Variants in FOXP4 observed in about 807,000 individuals in gnomAD.
FOXP4 encodes the protein forkhead box P4, also known as forkhead box protein P4.
FOXP4 carries 25 observed loss-of-function variants against 82.6 expected under a neutral mutation model. The ratio of observed to expected loss-of-function variants is 0.30; its 90% CI spans 0.22 to 0.42. The LOEUF (loss-of-function observed/expected upper bound fraction) is 0.42, where lower values mean the gene tolerates loss of function less well. FOXP4 is among the 10% of genes least tolerant of loss of function. The pLI is 1.00. For missense variants in FOXP4, 785 were observed against 900.9 expected (o/e 0.87, Z 1.65); for synonymous variants, 415 against 388.2 (o/e 1.07, Z -0.81).
At chr6:41,574,534 A>G (rs1431295114) in intron 2 of FOXP4, among the ~76,000 whole-genome samples, 1 of 152,192 alleles carries the variant, frequency 6.6e-6, no homozygotes, top group African/African-American at 2.4e-5. Flanking sequence ...GAGTTTTGTG[A>G]GTGGGTATCA....
At chr6:41,573,111 C>A (rs1295880013) in intron 2 of FOXP4, among the ~76,000 whole-genome samples, 1 of 152,144 alleles carries the variant, frequency 6.6e-6, no homozygotes, top group African/African-American at 2.4e-5. Flanking sequence ...CTGATTATCA[C>A]GTCCCTGCCC....
chr6:41,577,924 C>A, intron 2 of FOXP4, 62 bp from the exon 3 acceptor site: 2 of 1,270,588 alleles, frequency 1.6e-6, no homozygotes, highest in Admixed American at 1.8e-5. Flanking sequence ...CCCAAACACT[C>A]CCTAATCCCT....
chr6:41,597,597 TGGG>T (rs1452205138), intron 15 of FOXP4, among the ~76,000 whole-genome samples, 181 bp from the exon 16 acceptor site: 1 of 150,176 alleles, frequency 6.7e-6, no homozygotes, highest in East Asian at 2.0e-4. Flanking sequence ...GTTCCAGCCA[TGGG>T]GGAGGGGTGC....
rs373371909 is a variant in FOXP4, at chr6:41,598,335, G to A, written c.1895+385G>A. ...GGGTTCAAGTGATTCTCCTGCCTCA[G>A]CCTCCCAAGTAGCTGGAATTATAGG... is the stretch of plus-strand genomic sequence containing the variant. On this transcript the variant is annotated intron_variant, in intron 16 of 16. Coordinates refer to ENST00000307972, the MANE Select transcript of FOXP4 (RefSeq NM_001012426.2). 3.3e-5 allele frequency among the ~76,000 whole-genome samples: 5 copies of A among 150,864 alleles called. No homozygotes were observed. In the East Asian group the frequency reaches 9.8e-4, roughly 30 times the overall value.
chr6:41,579,196 C>CT (rs1249613447), intron 3 of FOXP4, among the ~76,000 whole-genome samples: 1 of 152,084 alleles, frequency 6.6e-6, no homozygotes, highest in Non-Finnish European at 1.5e-5. Context: ...ATTCTTGACC[C>CT]TAAGGAGACA....
chr6:41,574,634 G>T (rs992543109), intron 2 of FOXP4, among the ~76,000 whole-genome samples: 1 of 152,172 alleles, frequency 6.6e-6, no homozygotes, highest in Non-Finnish European at 1.5e-5. Context: ...AGTCTGGTTG[G>T]CATATTCAAA....
rs936434977 is a variant in FOXP4 at position 41,558,937 on chromosome 6, A to T, written c.-16-6808A>T. Among the ~76,000 whole-genome samples the T allele has an allele frequency of 5.3e-5, 8 of 152,274 alleles. No individual in the cohort carries two copies. The highest frequency in any genetic ancestry group is 1.9e-4 in the African/African-American group (8 of 41,472). ...AAGACATCCTTGTGCTCTGGTATCC[A>T]CATGTGTATCTTTTTATATAATCTA... On this transcript the variant is annotated intron_variant, in intron 1 of 16. Coordinates refer to ENST00000307972, the MANE Select transcript of FOXP4 (RefSeq NM_001012426.2). The surrounding 1 kb of genome is among the most constrained non-coding windows in gnomAD (Gnocchi z 4.0).
chr6:41,547,973 G>A (rs1204505147), intron 1 of FOXP4, among the ~76,000 whole-genome samples: 1 of 152,230 alleles, frequency 6.6e-6, no homozygotes, highest in Non-Finnish European at 1.5e-5. Flanking sequence ...GTAATTTCGC[G>A]GAATGCGGAT....
At chr6:41,555,734 T>A (rs931686332) in intron 1 of FOXP4, among the ~76,000 whole-genome samples, 13 of 152,232 alleles carry the variant, frequency 8.5e-5, no homozygotes, top group Non-Finnish European at 1.6e-4. Context: ...CAGCTCCGAA[T>A]CAATGGCTTT....
intron 1 of FOXP4, among the ~76,000 whole-genome samples, chr6:41,549,421 G>A (rs1449906224): frequency 6.6e-6 from 1 of 151,980 alleles, no homozygotes; most frequent in Non-Finnish European, 1.5e-5. Context: ...GACGCCCCCA[G>A]CCCCCTTCCT....
At chr6:41,560,460 C>T (rs1471631504) in intron 1 of FOXP4, among the ~76,000 whole-genome samples, 2 of 152,214 alleles carry the variant, frequency 1.3e-5, no homozygotes, top group African/African-American at 4.8e-5. Flanking sequence ...GCTCTGGGTA[C>T]GGGCTACCTG....
intron 2 of FOXP4, among the ~76,000 whole-genome samples, chr6:41,574,580 T>C (rs1024421784): frequency 3.9e-5 from 6 of 152,004 alleles, no homozygotes; most frequent in African/African-American, 1.5e-4. Context: ...GAGATGGGGG[T>C]TCACAGCTAC....
intron 1 of FOXP4, among the ~76,000 whole-genome samples, chr6:41,560,516 T>G (rs963096332): frequency 1.3e-5 from 2 of 152,210 alleles, no homozygotes; most frequent in Non-Finnish European, 2.9e-5. Context: ...GGGCCTCATC[T>G]CCACTCCAGC....
intron 3 of FOXP4, among the ~76,000 whole-genome samples, chr6:41,580,740 C>T (rs1765751307): frequency 6.6e-6 from 1 of 152,120 alleles, no homozygotes; most frequent in Non-Finnish European, 1.5e-5. Context: ...GACTGGGCTC[C>T]CCACCCGAGC....
At chr6:41,551,225 G>A (rs960686529) in intron 1 of FOXP4, among the ~76,000 whole-genome samples, 2 of 152,204 alleles carry the variant, frequency 1.3e-5, no homozygotes, top group African/African-American at 4.8e-5. Context: ...AGAGCTCCTG[G>A]CACAAAAGGT....
intron 1 of FOXP4, among the ~76,000 whole-genome samples, chr6:41,565,328 C>G (rs548830380): frequency 2.0e-5 from 3 of 152,336 alleles, no homozygotes; most frequent in Admixed American, 6.5e-5. Context: ...CCACTGCACT[C>G]TAGCCTGGGC....
chr6:41,584,836 CGCCCCCGCAGCTGCAGGCCTT>C lies in FOXP4; in HGVS notation c.371_391del (p.Pro124_Leu130del), dbSNP rs772707860. The C allele has an allele frequency of 1.2e-6, 2 of 1,609,828 alleles. No individual in the cohort carries two copies. The highest frequency in any genetic ancestry group is 8.5e-7 in the Non-Finnish European group (1 of 1,178,320). On this transcript the variant is annotated inframe_deletion, in exon 4 of 17. Coordinates refer to ENST00000307972, the MANE Select transcript of FOXP4 (RefSeq NM_001012426.2). The stretch of plus-strand genomic sequence containing the variant: ...CCGCAACAGATGCAGCAGATCCTGT[CGCCCCCGCAGCTGCAGGCCTT>C]GCTCCAGCAGCAGCAAGCCCTCATG...
At chr6:41,570,786 G>T (rs1213088461) in intron 2 of FOXP4, among the ~76,000 whole-genome samples, 1 of 152,180 alleles carries the variant, frequency 6.6e-6, no homozygotes, top group Non-Finnish European at 1.5e-5. Context: ...TCTGAGAAAG[G>T]ATTTATCTTG....
At chr6:41,594,761 C>G in intron 13 of FOXP4, 109 bp from the exon 14 acceptor site, 2 of 1,512,512 alleles carry the variant, frequency 1.3e-6, no homozygotes, top group Middle Eastern at 3.5e-4. Context: ...CATCCCTGAG[C>G]TGGGGAAGGT....
Sources: gnomAD v4.1 joint callset for allele counts (sites outside exome capture counted in the v4.1 genomes callset) on GRCh38, gnomAD v4.1.1 for gene constraint, Gnocchi (gnomAD v3.1) non-coding constraint, MANE v1.5 for transcripts, NCBI Gene and HGNC (gene_info 2026-07-23, HGNC 2026-07-21) for gene names.